Variants in CENPE observed in about 807,000 individuals in gnomAD.
CENPE encodes centromere-associated protein E.
In CENPE, 145 loss-of-function variants were observed where a neutral mutation model predicts 336.1. That is an observed-to-expected ratio of 0.43 (90% CI 0.38 to 0.50). The LOEUF (loss-of-function observed/expected upper bound fraction) is 0.50, where lower values mean the gene tolerates loss of function less well. Among genes scored for constraint, CENPE ranks in the 20% least tolerant of loss-of-function variants. The pLI is 0.00. For synonymous variants in CENPE, 1,013 were observed against 984.8 expected (o/e 1.03, Z -0.54); for missense variants, 2,719 against 3,023.3 (o/e 0.90, Z 2.36).
chr4:103,113,107 T>C (rs1337510140), intron 46 of CENPE, among the ~76,000 whole-genome samples: 6 of 131,982 alleles, frequency 4.5e-5, no homozygotes, highest in Admixed American at 8.3e-5. Flanking sequence ...TAAGTGTATA[T>C]ATATACTTAT....
chr4:103,157,761 T>C (rs762043999), intron 24 of CENPE, among the ~76,000 whole-genome samples: 27 of 151,940 alleles, frequency 1.8e-4, no homozygotes, highest in Non-Finnish European at 3.5e-4. Context: ...AAAAAATATA[T>C]ACTACTATAT....
At chr4:103,190,433 A>C (rs1263878003) in intron 8 of CENPE, among the ~76,000 whole-genome samples, 2 of 152,238 alleles carry the variant, frequency 1.3e-5, no homozygotes, top group African/African-American at 2.4e-5. Context: ...TGGTACTAGT[A>C]CCAAAACAGA....
intron 14 of CENPE, 142 bp from the exon 15 acceptor site, chr4:103,176,190 A>G (rs1384911324): frequency 3.9e-6 from 2 of 508,588 alleles, no homozygotes; most frequent in African/African-American, 4.0e-5. Context: ...ATGAATACCA[A>G]AAGTACATTA....
At chr4:103,118,083 G>C (rs950410562) in intron 44 of CENPE, among the ~76,000 whole-genome samples, 1 of 152,178 alleles carries the variant, frequency 6.6e-6, no homozygotes, top group African/African-American at 2.4e-5. Context: ...CAGCTCATCT[G>C]AGTAAATACC....
intron 40 of CENPE, among the ~76,000 whole-genome samples, chr4:103,135,919 A>C (rs1211509038): frequency 6.6e-6 from 1 of 152,150 alleles, no homozygotes; most frequent in African/African-American, 2.4e-5. Flanking sequence ...TGAGATGTTA[A>C]CTCACATCTG....
intron 47 of CENPE, among the ~76,000 whole-genome samples, chr4:103,110,189 G>T (rs955080896): frequency 6.6e-6 from 1 of 152,120 alleles, no homozygotes; most frequent in Non-Finnish European, 1.5e-5. Flanking sequence ...AGTGTGTATA[G>T]TAGAAAGATA....
At position 103,161,396 on chromosome 4, in the gene CENPE, A is replaced by T. The variant is rs1354242668; in HGVS notation, c.1904T>A (p.Leu635His). The stretch of plus-strand genomic sequence containing the variant: ...AAAGGCTGATTCTCTCTTGGCATCA[A>T]GGGCTACAGTTTCAGCATCAAACAG... ...QTLFDAETVA[L>H]DAKRESAFLR... The change falls in exon 19 of 49, where the codon CTT (leucine) becomes CAT (histidine). Residue 635 changes from leucine to histidine, a missense_variant. Leu to His is a moderately conservative substitution (Grantham distance 99). This residue lies in a region of CENPE where 2,437 missense variants were observed against 2,513.3 expected (regional missense o/e 0.97). Transcript: ENST00000265148. The T allele has an allele frequency of 1.2e-6, 2 of 1,612,830 alleles. No individual in the cohort carries two copies. Among genetic ancestry groups the T allele is most frequent in the Admixed American group, 1.7e-5 (1 of 59,902 alleles).
chr4:103,161,125 T>C lies in CENPE; in HGVS notation c.2092A>G (p.Thr698Ala). 1 of 1,607,366 alleles carries C rather than the reference T, an allele frequency of 6.2e-7. No individual in the cohort carries two copies. Among genetic ancestry groups the C allele is most frequent in the South Asian group, 1.1e-5 (1 of 89,030 alleles). Residue 698 changes from threonine (T) to alanine (A), a missense_variant, in exon 20 of 49, where the codon ACA (threonine) becomes GCA (alanine). Transcript: ENST00000265148. The part of the protein sequence containing the change: ...KELQSAFNEI[T>A]KLTSLIDGKV... ...CCATCTATAAGGGAGGTGAGTTTTG[T>C]TATCTCATTAAAAGCAGATTGTAAT... is the stretch of plus-strand genomic sequence containing the variant.
At chr4:103,118,803 T>C (rs1047264612) in intron 44 of CENPE, among the ~76,000 whole-genome samples, 2 of 152,222 alleles carry the variant, frequency 1.3e-5, no homozygotes, top group African/African-American at 4.8e-5. Flanking sequence ...GAAGCCTTTG[T>C]TTCCATCTCT....
At chr4:103,159,345 T>C in intron 21 of CENPE, 21 bp from the exon 22 acceptor site, 1 of 1,294,330 alleles carries the variant, frequency 7.7e-7, no homozygotes, top group South Asian at 1.8e-5. Flanking sequence ...GAAATAAAAT[T>C]TAGGGATGTT....
At chr4:103,114,964 C>G (rs1450331214) in intron 45 of CENPE, among the ~76,000 whole-genome samples, 2 of 152,154 alleles carry the variant, frequency 1.3e-5, no homozygotes, top group African/African-American at 4.8e-5. Flanking sequence ...GACTGCAGCT[C>G]TGGTCTAAGG....
At chr4:103,178,562 T>C (rs533165344) in intron 13 of CENPE, among the ~76,000 whole-genome samples, 1 of 152,288 alleles carries the variant, frequency 6.6e-6, no homozygotes, top group Admixed American at 6.5e-5. Context: ...ATATTCAAGA[T>C]TCCATCCATC....
Position 103,160,619 on chromosome 4 carries a change from G to A in CENPE, c.2286+6C>T, listed in dbSNP as rs775272310. 1.2e-6 allele frequency: 2 copies of A among 1,601,098 alleles called. No individual in the cohort carries two copies. The highest frequency in any genetic ancestry group is 4.5e-5 in the East Asian group (2 of 44,502). ...ATAAGGGATAAGTGCTTATAAATGT[G>A]TTTACCTCTTTCCTCAGCCTTTCTA... On this transcript the variant is annotated splice_donor_region_variant and intron_variant, in intron 21 of 48. Coordinates refer to ENST00000265148, the MANE Select transcript of CENPE (RefSeq NM_001813.3).
chr4:103,140,835 G>C lies in CENPE; in HGVS notation c.5733C>G (p.Ser1911Arg), dbSNP rs762752618. The change falls in exon 36 of 49, where the codon AGC becomes AGG. Residue 1911 changes from serine to arginine, a missense_variant. Coordinates refer to ENST00000265148, the MANE Select transcript of CENPE (RefSeq NM_001813.3). ...TCACTCTAGCTTTGGTTTCTTGCAG[G>C]CTTTCCTTGAGTTGGTCTCTCTCCA... is the stretch of plus-strand genomic sequence containing the variant. The part of the protein sequence containing the change: ...LKLERDQLKE[S>R]LQETKARDLE... 7.5e-6 allele frequency: 12 copies of C among 1,589,728 alleles called. No individual in the cohort carries two copies. Among genetic ancestry groups the C allele is most frequent in the Admixed American group, 5.6e-5 (3 of 53,286 alleles).
At position 103,180,330 on chromosome 4, in the gene CENPE, G is replaced by A. The variant is rs778023977; in HGVS notation, c.1223C>T (p.Thr408Met). ...TTTTACCTTTAATTCCTGTTGCAAC[G>A]TGAGGGAAGAAGAGGTCACCAGCAT... ...TRMLVTSSSL[T>M]LQQELKAKRK... Residue 408 changes from threonine (T) to methionine (M), a missense_variant, in exon 13 of 49, where the codon ACG becomes ATG. Around this residue, in one of 5 missense-constraint regions of CENPE, gnomAD observed 117 missense variants for 215.8 expected, o/e 0.54. Transcript: ENST00000265148. 49 of 1,610,948 alleles carry A rather than the reference G, an allele frequency of 3.0e-5. No homozygotes were observed. The Admixed American group carries it at 3.7e-4, about 12-fold the overall frequency.
intron 47 of CENPE, 92 bp downstream of exon 47, chr4:103,110,736 T>C: frequency 1.1e-6 from 1 of 894,508 alleles, no homozygotes; most frequent in Non-Finnish European, 1.6e-6. Flanking sequence ...ACTGAAGTGT[T>C]ACCACCTGCA....
rs1169937323 is a variant in CENPE at position 103,109,064 on chromosome 4, C to T, written c.7750G>A (p.Val2584Ile). The T allele has an allele frequency of 6.2e-7, 1 of 1,611,888 alleles. No homozygotes were observed. Among genetic ancestry groups the T allele is most frequent in the Admixed American group, 1.7e-5 (1 of 59,662 alleles). ...LSNNQHLSNE[V>I]KTWKERTLKR... ...AGGGTTCTTTCCTTCCAAGTTTTGA[C>T]CTCATTGGAAAGATGCTGATTATTG... Residue 2584 changes from valine (V) to isoleucine (I), a missense_variant, in exon 48 of 49, where the codon GTC becomes ATC. Around this residue, in one of 5 missense-constraint regions of CENPE, gnomAD observed 2,437 missense variants for 2,513.3 expected, o/e 0.97. Coordinates refer to ENST00000265148, the MANE Select transcript of CENPE (RefSeq NM_001813.3).
At chr4:103,147,951 C>A (rs1334528485) in intron 28 of CENPE, among the ~76,000 whole-genome samples, 1 of 152,104 alleles carries the variant, frequency 6.6e-6, no homozygotes, top group Non-Finnish European at 1.5e-5. Context: ...GCCTTGGCCT[C>A]CCAAAGTGCT....
chr4:103,112,716 G>GTA (rs566525433), intron 46 of CENPE, among the ~76,000 whole-genome samples: 14 of 109,934 alleles, frequency 1.3e-4, no homozygotes, highest in Admixed American at 2.1e-4. Context: ...ATACTTATAA[G>GTA]TATATAAGTG....
Sources: allele counts gnomAD v4.1 joint callset (sites outside exome capture counted in the v4.1 genomes callset), GRCh38; gene constraint gnomAD v4.1.1; regional missense constraint gnomAD v4.1.1; transcripts MANE v1.5; gene names NCBI Gene and HGNC (gene_info 2026-07-23, HGNC 2026-07-21).